The following CPAMD8 variants were observed in gnomAD, a reference collection of about 807,000 sequenced individuals.
The protein encoded by CPAMD8 is C3 and PZP-like alpha-2-macroglobulin domain-containing protein 8.
CPAMD8 carries 146 observed loss-of-function variants against 224.7 expected under a neutral mutation model. The ratio of observed to expected loss-of-function variants is 0.65; its 90% CI spans 0.57 to 0.75. CPAMD8 has a LOEUF of 0.75. CPAMD8 is among the 30% of genes least tolerant of loss of function. The pLI is 0.00. For missense variants in CPAMD8, 2,301 were observed against 2,537.5 expected (o/e 0.91, Z 2.00); for synonymous variants, 966 against 1,044.6 (o/e 0.92, Z 1.45).
intron 18 of CPAMD8, among the ~76,000 whole-genome samples, chr19:16,967,400 G>C (rs921639419): frequency 5.3e-5 from 8 of 152,018 alleles, no homozygotes; most frequent in African/African-American, 1.9e-4. Flanking sequence ...ATGATGAGTT[G>C]ATGGGTGCAG....
chr19:16,926,176 TA>T (rs1461625671), intron 25 of CPAMD8, among the ~76,000 whole-genome samples: 8 of 151,650 alleles, frequency 5.3e-5, no homozygotes, highest in East Asian at 3.9e-4. Flanking sequence ...TTTCTCTCTT[TA>T]AAAAAAAATT....
chr19:16,990,680 T>C (rs1017822678), intron 12 of CPAMD8, among the ~76,000 whole-genome samples: 3 of 151,722 alleles, frequency 2.0e-5, no homozygotes, highest in East Asian at 1.9e-4. Context: ...CTGGCCAACA[T>C]GGTGAAACCC....
At chr19:16,923,538 T>C (rs562070855) in intron 26 of CPAMD8, among the ~76,000 whole-genome samples, 84 of 152,234 alleles carry the variant, frequency 5.5e-4, no homozygotes, top group African/African-American at 1.5e-3. Context: ...TCACATCCAC[T>C]TGGAACCCAA....
Position 16,929,008 on chromosome 19 carries a change from C to T in CPAMD8, c.3078G>A (p.Thr1026=), listed in dbSNP as rs375943617. Residue 1026 remains threonine, a synonymous_variant, in exon 24 of 42, where the codon ACG becomes ACA. Transcript: ENST00000443236. ...KMGEPVASAH[T]AKILSWDEFR... Reference sequence around the variant, plus strand: ...ATTCATCCCAGGAGAGGATCTTGGCCGTGTGTGCACTGGCCACGGGCTCTC... The same window carrying T: ...ATTCATCCCAGGAGAGGATCTTGGCTGTGTGTGCACTGGCCACGGGCTCTC... 23 of 1,613,966 alleles carry T rather than the reference C, an allele frequency of 1.4e-5. No homozygotes were observed. The East Asian group carries it at 2.2e-4, about 16-fold the overall frequency.
Position 17,022,018 on chromosome 19 carries a change from C to A in CPAMD8, c.244+12G>T, listed in dbSNP as rs758166339. On this transcript the variant is annotated intron_variant, in intron 2 of 41. Transcript: ENST00000443236. ...GAAGGGGAAGTCCTGGTCTGGCACC[C>A]AAGGGACCTACCCAGGATGGCTCCC... The A allele has an allele frequency of 6.3e-7, 1 of 1,590,138 alleles. No individual in the cohort carries two copies. The highest frequency in any genetic ancestry group is 8.6e-7 in the Non-Finnish European group (1 of 1,168,198).
chr19:16,896,317 A>T lies in CPAMD8; in HGVS notation c.5285T>A (p.Leu1762Gln), dbSNP rs2051986390. Residue 1762 changes from leucine to glutamine, a missense_variant, in exon 41 of 42, where the codon CTG becomes CAG. Around this residue, in one of 4 missense-constraint regions of CPAMD8, gnomAD observed 1,709 missense variants for 1,753.2 expected, o/e 0.97. Coordinates refer to ENST00000443236, the MANE Select transcript of CPAMD8 (RefSeq NM_015692.5). The part of the protein sequence containing the change: ...PPSCCALEQR[L>Q]PASSSSTYGD... ...GTAGGTGGAGGACGACGAGGCCGGC[A>T]GCCGCTGCTCTGGAAGGAAGGGGGC... The T allele has an allele frequency of 1.2e-6, 2 of 1,607,510 alleles. No individual in the cohort carries two copies. Among genetic ancestry groups the T allele is most frequent in the Admixed American group, 3.4e-5 (2 of 59,190 alleles).
intron 39 of CPAMD8, 88 bp downstream of exon 39, chr19:16,897,603 C>G: frequency 1.4e-6 from 1 of 731,918 alleles, no homozygotes; most frequent in South Asian, 1.9e-5. Context: ...TCTGCCAAGC[C>G]CCCAGGGGAG....
chr19:16,968,370 G>A (rs1241174261), intron 18 of CPAMD8, among the ~76,000 whole-genome samples: 6 of 152,268 alleles, frequency 3.9e-5, no homozygotes, highest in East Asian at 3.9e-4. Context: ...GGGAGCAGAC[G>A]GAGGGGCACA....
chr19:16,957,754 G>A, intron 19 of CPAMD8, 99 bp downstream of exon 19: 1 of 1,053,836 alleles, frequency 9.5e-7, no homozygotes, highest in Non-Finnish European at 1.5e-6. Context: ...CTCAGATGTT[G>A]GTATCAGGCC....
At position 16,989,856 on chromosome 19, in the gene CPAMD8, G is replaced by GA. The variant is rs201399822; in HGVS notation, c.1267-86dup. 52,931 of 1,297,982 alleles carry GA rather than the reference G, an allele frequency of 0.041. 1,272 individuals carry two copies. Among genetic ancestry groups the GA allele is most frequent in the African/African-American group, 0.089 (6,090 of 68,048 alleles). The allele number at this position is 1,297,982 out of a possible 1,614,324, so 80.4% of individuals were successfully genotyped here. A position where few individuals can be genotyped will look rare whatever the true frequency, so the allele number is the denominator to read the frequency against. ...GGGATGCTTCTGCTTGCTCTGCCCAGAAGAAACACCCTCTCATGCTCCAAT... is the reference window on the plus strand; with the variant it reads ...GGGATGCTTCTGCTTGCTCTGCCCAGAAAGAAACACCCTCTCATGCTCCAAT... On this transcript the variant is annotated intron_variant, in intron 12 of 41. Transcript: ENST00000443236.
chr19:16,985,384 G>T (rs2055681882), intron 13 of CPAMD8, among the ~76,000 whole-genome samples: 1 of 147,298 alleles, frequency 6.8e-6, no homozygotes, highest in Non-Finnish European at 1.5e-5. Context: ...AAATAGGTAA[G>T]TGTAGTGGGT....
intron 26 of CPAMD8, among the ~76,000 whole-genome samples, chr19:16,923,693 G>A (rs1049482167): frequency 7.9e-5 from 12 of 152,214 alleles, no homozygotes; most frequent in African/African-American, 2.4e-4. Context: ...GCCGGGCATC[G>A]TGGCTTGCAC....
intron 3 of CPAMD8, among the ~76,000 whole-genome samples, chr19:17,017,628 C>A (rs1048973646): frequency 1.3e-5 from 2 of 152,202 alleles, no homozygotes; most frequent in Non-Finnish European, 2.9e-5. Context: ...CAGCCCCAAC[C>A]CAGCTGTGAC....
chr19:17,025,106 G>T (rs1055667603), intron 1 of CPAMD8, among the ~76,000 whole-genome samples: 3 of 152,170 alleles, frequency 2.0e-5, no homozygotes, highest in African/African-American at 7.2e-5. Context: ...ACGCCCTGGA[G>T]AACTGTTTAA....
intron 17 of CPAMD8, among the ~76,000 whole-genome samples, chr19:16,972,996 C>A (rs527873734): frequency 3.6e-4 from 54 of 151,912 alleles, no homozygotes; most frequent in African/African-American, 1.2e-3. Context: ...TGGTGAAACC[C>A]CATCTCTATA....
At chr19:16,901,554 T>C (rs1277533960) in intron 35 of CPAMD8, among the ~76,000 whole-genome samples, 1 of 152,216 alleles carries the variant, frequency 6.6e-6, no homozygotes, top group African/African-American at 2.4e-5. Flanking sequence ...CTAAGCATTG[T>C]GTTCTGTCCT....
intron 18 of CPAMD8, 61 bp from the exon 19 acceptor site, chr19:16,957,976 C>A: frequency 6.8e-7 from 1 of 1,475,408 alleles, no homozygotes; most frequent in South Asian, 1.2e-5. Context: ...TTATGTGAAC[C>A]TAGCAGCTTT....
At chr19:17,019,757 C>G (rs910444506) in intron 3 of CPAMD8, among the ~76,000 whole-genome samples, 1 of 150,064 alleles carries the variant, frequency 6.7e-6, no homozygotes, top group Non-Finnish European at 1.5e-5. Context: ...TTTGTAGAGA[C>G]AGGATTTTAC....
intron 18 of CPAMD8, among the ~76,000 whole-genome samples, chr19:16,964,666 G>A (rs1213791589): frequency 6.6e-6 from 1 of 152,088 alleles, no homozygotes; most frequent in Non-Finnish European, 1.5e-5. Context: ...GAAAAAGAAG[G>A]AATCCTCCCT....
Sources: gnomAD v4.1 joint callset for allele counts (sites outside exome capture counted in the v4.1 genomes callset) on GRCh38, gnomAD v4.1.1 for gene constraint, gnomAD v4.1.1 regional missense constraint, MANE v1.5 for transcripts, NCBI Gene and HGNC (gene_info 2026-07-23, HGNC 2026-07-21) for gene names.